TBC1D9: variants seen among roughly 807,000 people sequenced by gnomAD.
The protein encoded by TBC1D9 is TBC1 domain family member 9A.
Under a neutral mutation model 132.0 loss-of-function variants are expected in TBC1D9, and 63 were observed. The ratio of observed to expected loss-of-function variants is 0.48; its 90% confidence interval spans 0.39 to 0.59. The LOEUF is 0.59. Among genes scored for constraint, TBC1D9 ranks in the 20% least tolerant of loss-of-function variants. TBC1D9 has a pLI of 0.00. For missense variants in TBC1D9, 1,261 were observed against 1,592.7 expected (o/e 0.79, Z 3.54); for synonymous variants, 610 against 609.9 (o/e 1.00, Z 0.00).
intron 16 of TBC1D9, among the ~76,000 whole-genome samples, chr4:140,628,926 A>T (rs535601954): frequency 6.6e-6 from 1 of 152,360 alleles, no homozygotes; most frequent in East Asian, 1.9e-4. Flanking sequence ...CATAGCTTCA[A>T]TCGGAAGAAT....
At chr4:140,652,523 C>T (rs1378827851) in intron 13 of TBC1D9, among the ~76,000 whole-genome samples, 12 of 152,318 alleles carry the variant, frequency 7.9e-5, no homozygotes, top group East Asian at 1.9e-4. Context: ...TCATGACCAT[C>T]GGTACATCCA....
intron 2 of TBC1D9, among the ~76,000 whole-genome samples, chr4:140,694,235 G>T (rs1737917851): frequency 6.6e-6 from 1 of 152,116 alleles, no homozygotes; most frequent in East Asian, 1.9e-4. Context: ...ATAACATACT[G>T]AGTAGATAAT....
intron 6 of TBC1D9, among the ~76,000 whole-genome samples, chr4:140,671,292 A>C (rs776877889): frequency 2.0e-5 from 3 of 152,166 alleles, no homozygotes; most frequent in African/African-American, 7.2e-5. Context: ...TAAACATCCT[A>C]CGACACACAG....
At chr4:140,668,184 G>A (rs1737477063) in intron 9 of TBC1D9, among the ~76,000 whole-genome samples, 1 of 152,220 alleles carries the variant, frequency 6.6e-6, no homozygotes, top group African/African-American at 2.4e-5. Flanking sequence ...TCGGATGGGA[G>A]GAAGCAGTGT....
At chr4:140,674,454 G>T (rs1483515081) in intron 6 of TBC1D9, among the ~76,000 whole-genome samples, 4 of 152,050 alleles carry the variant, frequency 2.6e-5, no homozygotes, top group Non-Finnish European at 5.9e-5. Context: ...GCAACGGAAA[G>T]GTCCAACCAT....
chr4:140,729,091 T>C (rs6835008), intron 1 of TBC1D9, among the ~76,000 whole-genome samples: 59,460 of 152,060 alleles, frequency 0.39, 13,942 homozygotes, highest in African/African-American at 0.65. Flanking sequence ...TACTCTTTCC[T>C]GTTTTTGGAT....
rs201548614 is a variant in TBC1D9, at chr4:140,716,921, TA to T, written c.131-15308del. ...ACTGAGTTTAGAGTAATGGGGGCTGTAAAAAAAAAAAAAACACAAACAACAA... is the reference window on the plus strand; with the variant it reads ...ACTGAGTTTAGAGTAATGGGGGCTGTAAAAAAAAAAAAACACAAACAACAA... On this transcript the variant is annotated intron_variant, in intron 1 of 20. Coordinates refer to ENST00000442267, the MANE Select transcript of TBC1D9 (RefSeq NM_015130.3). 1.4e-3 allele frequency among the ~76,000 whole-genome samples: 189 copies of T among 134,540 alleles called. 1 individual carries two copies. Among genetic ancestry groups the T allele is most frequent in the South Asian group, 3.1e-3 (13 of 4,224 alleles). The allele number at this position is 134,540 out of a possible 152,430, so 88.3% of individuals were successfully genotyped here.
chr4:140,655,645 A>C (rs958025695), intron 13 of TBC1D9, among the ~76,000 whole-genome samples: 7 of 152,204 alleles, frequency 4.6e-5, no homozygotes, highest in Non-Finnish European at 1.0e-4. Context: ...CCAGGTGTTA[A>C]GGGGGAAAGT....
chr4:140,697,507 T>C (rs1347464426), intron 2 of TBC1D9, among the ~76,000 whole-genome samples: 1 of 152,192 alleles, frequency 6.6e-6, no homozygotes, highest in African/African-American at 2.4e-5. Flanking sequence ...GTAATCAATA[T>C]ATACAAAAAC....
intron 7 of TBC1D9, 83 bp downstream of exon 7, chr4:140,670,637 C>A: frequency 8.5e-7 from 1 of 1,176,528 alleles, no homozygotes; most frequent in Non-Finnish European, 1.2e-6. Context: ...GCTTGAAGAT[C>A]AAACAAAATG....
chr4:140,639,470 C>T (rs943266140), intron 13 of TBC1D9, 42 bp from the exon 14 acceptor site: 2 of 1,390,896 alleles, frequency 1.4e-6, no homozygotes, highest in Non-Finnish European at 2.0e-6. Flanking sequence ...AAATCTCTTA[C>T]AGCACACAAT....
At chr4:140,748,258 A>G (rs924294603) in intron 1 of TBC1D9, among the ~76,000 whole-genome samples, 1 of 152,230 alleles carries the variant, frequency 6.6e-6, no homozygotes, top group African/African-American at 2.4e-5. Flanking sequence ...GTTGGGCTGA[A>G]CAGATTAAAT....
At chr4:140,697,439 G>A (rs1449508819) in intron 2 of TBC1D9, among the ~76,000 whole-genome samples, 1 of 152,052 alleles carries the variant, frequency 6.6e-6, no homozygotes, top group Non-Finnish European at 1.5e-5. Flanking sequence ...CTTTCACAAC[G>A]CCTGTCACTT....
At chr4:140,698,420 T>C (rs564046518) in intron 2 of TBC1D9, among the ~76,000 whole-genome samples, 3 of 152,322 alleles carry the variant, frequency 2.0e-5, no homozygotes. Flanking sequence ...TCAATTGTCA[T>C]TCGCTGGGCT....
intron 2 of TBC1D9, among the ~76,000 whole-genome samples, chr4:140,696,992 A>G (rs1258490587): frequency 6.6e-6 from 1 of 152,218 alleles, no homozygotes; most frequent in Non-Finnish European, 1.5e-5. Flanking sequence ...ATATATTTTA[A>G]AAATCTTAAG....
intron 9 of TBC1D9, among the ~76,000 whole-genome samples, chr4:140,663,053 A>G (rs1737389122): frequency 6.6e-6 from 1 of 152,228 alleles, no homozygotes; most frequent in South Asian, 2.1e-4. Context: ...AAAATCAGAC[A>G]AGTGGGATAG....
chr4:140,628,539 CA>C (rs1324974252), intron 16 of TBC1D9, among the ~76,000 whole-genome samples, 174 bp from the exon 17 acceptor site: 1 of 152,204 alleles, frequency 6.6e-6, no homozygotes, highest in Non-Finnish European at 1.5e-5. Context: ...TGGTTGGTTT[CA>C]AATCCTCTGC....
At chr4:140,675,677 C>A (rs1261437706) in intron 6 of TBC1D9, among the ~76,000 whole-genome samples, 3 of 152,182 alleles carry the variant, frequency 2.0e-5, no homozygotes, top group Non-Finnish European at 4.4e-5. Flanking sequence ...AAACAGAGAT[C>A]TAAAACTTGC....
chr4:140,621,989 C>T lies in TBC1D9; in HGVS notation c.*206G>A, dbSNP rs187172306. 70 of 622,398 alleles carry T rather than the reference C, an allele frequency of 1.1e-4. No individual in the cohort carries two copies. Among genetic ancestry groups the T allele is most frequent in the African/African-American group, 1.0e-3 (55 of 53,884 alleles). 38.6% of individuals were successfully genotyped at this position (622,398 alleles called of 1,614,324 possible). ...ACTGTATTCTGGTAAATCCCCTCCC[C>T]GCAACAAGAGTGTAATGTACCTACA... is the stretch of plus-strand genomic sequence containing the variant. On this transcript the variant is annotated 3_prime_UTR_variant, in exon 21 of 21. Coordinates refer to ENST00000442267, the MANE Select transcript of TBC1D9 (RefSeq NM_015130.3).
Sources: gnomAD v4.1 joint callset for allele counts (sites outside exome capture counted in the v4.1 genomes callset) on GRCh38, gnomAD v4.1.1 for gene constraint, MANE v1.5 for transcripts, NCBI Gene and HGNC (gene_info 2026-07-23, HGNC 2026-07-21) for gene names.